The following TNNI3K variants were observed in gnomAD, a reference collection of about 807,000 sequenced individuals.
The protein encoded by TNNI3K is serine/threonine-protein kinase TNNI3K.
TNNI3K carries 140 observed loss-of-function variants against 114.5 expected under a neutral mutation model. The observed-to-expected ratio is 1.22, with a 90% CI of 1.07 to 1.41. TNNI3K has a LOEUF of 1.41. TNNI3K is among the 40% of genes most tolerant of loss of function. TNNI3K has a pLI of 0.00. For synonymous variants in TNNI3K, 347 were observed against 347.5 expected (o/e 1.00, Z 0.02); for missense variants, 1,125 against 1,007.6 (o/e 1.12, Z -1.58).
chr1:74,288,270 A>T (rs926968292), intron 5 of TNNI3K, among the ~76,000 whole-genome samples: 1 of 152,126 alleles, frequency 6.6e-6, no homozygotes, highest in African/African-American at 2.4e-5. Context: ...CCCATTTTTT[A>T]AAAATGGTGT....
chr1:74,514,504 G>T (rs1333234033), intron 23 of TNNI3K, among the ~76,000 whole-genome samples: 3 of 152,170 alleles, frequency 2.0e-5, no homozygotes, highest in Non-Finnish European at 2.9e-5. Flanking sequence ...AGTCTTGATA[G>T]AATTTATTGA....
Position 74,445,534 on chromosome 1 carries a change from T to G in TNNI3K, c.2011+5912T>G, listed in dbSNP as rs558285945. On this transcript the variant is annotated intron_variant, in intron 20 of 24. Coordinates refer to ENST00000326637, the MANE Select transcript of TNNI3K (RefSeq NM_015978.3). ...TGATTTCCAATTTCATCCATGTCCCTACAAAGGACGTGAACTCATCATTTT... is the reference window on the plus strand; with the variant it reads ...TGATTTCCAATTTCATCCATGTCCCGACAAAGGACGTGAACTCATCATTTT... Among the ~76,000 whole-genome samples, 4 of 150,884 alleles carry G rather than the reference T, an allele frequency of 2.7e-5. No individual in the cohort carries two copies. The South Asian group carries it at 6.3e-4, about 24-fold the overall frequency.
intron 12 of TNNI3K, 146 bp from the exon 13 acceptor site, chr1:74,367,762 G>A: frequency 1.4e-6 from 1 of 730,630 alleles, no homozygotes; most frequent in Non-Finnish European, 2.2e-6. Context: ...AACACTTGCA[G>A]TACAATTTCA....
chr1:74,469,567 T>G, intron 21 of TNNI3K: 2 of 167,540 alleles, frequency 1.2e-5, no homozygotes. Context: ...TAGTTTTTCA[T>G]TTGTTTAAGG....
chr1:74,522,662 G>GAGAA (rs1023225493), intron 23 of TNNI3K, among the ~76,000 whole-genome samples: 2 of 152,088 alleles, frequency 1.3e-5, no homozygotes, highest in African/African-American at 2.4e-5. Context: ...GAGAGAGAGA[G>GAGAA]AGAGAAAGAG....
intron 9 of TNNI3K, among the ~76,000 whole-genome samples, chr1:74,345,074 C>CATGCACATATATACACATATGTGTGTAT (rs1660933163): frequency 1.3e-5 from 2 of 152,086 alleles, no homozygotes; most frequent in African/African-American, 4.8e-5. Context: ...TATGTGTGTA[C>CATGCACATATATACACATATGTGTGTAT]ACATGCACAT....
At chr1:74,482,222 C>T (rs2100262969) in intron 21 of TNNI3K, among the ~76,000 whole-genome samples, 1 of 152,276 alleles carries the variant, frequency 6.6e-6, no homozygotes, top group East Asian at 1.9e-4. Flanking sequence ...TCAATTACTT[C>T]TTGTCTAGGT....
At position 74,370,325 on chromosome 1, in the gene TNNI3K, G is replaced by C; in HGVS notation, c.1705G>C (p.Asp569His). ...DLQSKLIIAV[D>H]VAKGMEYLHN... is the part of the protein sequence containing the mutation. Reference sequence around the variant, plus strand: ...GCAGTCTAAATTAATTATTGCAGTAGATGTTGCCAAAGGCATGGAGTACCT... The same window carrying C: ...GCAGTCTAAATTAATTATTGCAGTACATGTTGCCAAAGGCATGGAGTACCT... Residue 569 changes from aspartate (D) to histidine (H), a missense_variant, in exon 17 of 25, where the codon GAT (aspartate) becomes CAT (histidine). Transcript: ENST00000326637. The C allele has an allele frequency of 6.2e-7, 1 of 1,604,426 alleles. No individual in the cohort carries two copies. Among genetic ancestry groups the C allele is most frequent in the Non-Finnish European group, 8.5e-7 (1 of 1,174,316 alleles).
At chr1:74,524,259 C>T (rs1018338969) in intron 23 of TNNI3K, among the ~76,000 whole-genome samples, 4 of 152,204 alleles carry the variant, frequency 2.6e-5, no homozygotes, top group African/African-American at 7.2e-5. Flanking sequence ...ATTTTAACAG[C>T]CTGATCTCTG....
intron 20 of TNNI3K, among the ~76,000 whole-genome samples, chr1:74,458,691 G>A (rs1667327145): frequency 6.6e-6 from 1 of 152,104 alleles, no homozygotes; most frequent in Non-Finnish European, 1.5e-5. Context: ...AAATGTTACT[G>A]AGTCCTATAT....
intron 2 of TNNI3K, among the ~76,000 whole-genome samples, chr1:74,241,509 T>A (rs551437674): frequency 8.5e-4 from 130 of 152,352 alleles, no homozygotes; most frequent in African/African-American, 3.0e-3. Flanking sequence ...GTGGTTTTGA[T>A]TTGCATTTCT....
At chr1:74,370,445 A>C in intron 17 of TNNI3K, 53 bp downstream of exon 17, 2 of 1,499,422 alleles carry the variant, frequency 1.3e-6, no homozygotes, top group Admixed American at 1.8e-5. Context: ...CTGGGAGTTT[A>C]AGACAGATTT....
chr1:74,353,930 GC>G (rs1441600296), intron 10 of TNNI3K, 49 bp from the exon 11 acceptor site: 1 of 1,567,012 alleles, frequency 6.4e-7, no homozygotes. Context: ...AAATTGGGGA[GC>G]AGTTTTTCTT....
At chr1:74,454,335 T>C (rs1183593822) in intron 20 of TNNI3K, among the ~76,000 whole-genome samples, 1 of 152,192 alleles carries the variant, frequency 6.6e-6, no homozygotes, top group African/African-American at 2.4e-5. Context: ...ACTGTACTTT[T>C]GTATCTATTA....
At chr1:74,502,537 A>T (rs1669685394) in intron 23 of TNNI3K, among the ~76,000 whole-genome samples, 1 of 152,212 alleles carries the variant, frequency 6.6e-6, no homozygotes, top group Non-Finnish European at 1.5e-5. Context: ...TAACTTTGCC[A>T]ACATGTTTGC....
At chr1:74,375,650 A>C (rs1442928607) in intron 17 of TNNI3K, 1 of 454,206 alleles carries the variant, frequency 2.2e-6, no homozygotes. Flanking sequence ...CTGACTCAGC[A>C]TCAAGAGGAC....
At chr1:74,490,113 A>C (rs1278645802) in intron 22 of TNNI3K, among the ~76,000 whole-genome samples, 1 of 151,518 alleles carries the variant, frequency 6.6e-6, no homozygotes, top group Non-Finnish European at 1.5e-5. Flanking sequence ...CTATTGGAAA[A>C]GGATTTGCAG....
chr1:74,261,484 C>A (rs952902363), intron 4 of TNNI3K, among the ~76,000 whole-genome samples: 2 of 151,936 alleles, frequency 1.3e-5, no homozygotes, highest in Non-Finnish European at 2.9e-5. Flanking sequence ...TTTTTGTACC[C>A]TAATGAATTT....
chr1:74,377,749 T>C (rs1375121458), intron 17 of TNNI3K, among the ~76,000 whole-genome samples: 1 of 151,516 alleles, frequency 6.6e-6, no homozygotes, highest in Non-Finnish European at 1.5e-5. Flanking sequence ...TCCTGGGAAC[T>C]TTCTGATATC....
Sources: allele counts gnomAD v4.1 joint callset (sites outside exome capture counted in the v4.1 genomes callset), GRCh38; gene constraint gnomAD v4.1.1; transcripts MANE v1.5; gene names NCBI Gene and HGNC (gene_info 2026-07-23, HGNC 2026-07-21).